Variants in ECSIT observed in about 807,000 individuals in gnomAD.
The protein encoded by ECSIT is ECSIT signaling integrator.
ECSIT carries 29 observed loss-of-function variants against 36.8 expected under a neutral mutation model. The observed-to-expected ratio is 0.79, with a 90% confidence interval of 0.59 to 1.08. ECSIT has a LOEUF of 1.08. Ranked by LOEUF, ECSIT falls within the 50% of genes least tolerant of loss-of-function variation. ECSIT has a pLI of 0.00. For synonymous variants in ECSIT, 231 were observed against 234.8 expected (o/e 0.98, Z 0.15); for missense variants, 542 against 581.0 (o/e 0.93, Z 0.69).
At chr19:11,507,434 A>G (rs1245552882) in intron 7 of ECSIT, 23 bp downstream of exon 7, 3 of 1,598,414 alleles carry the variant, frequency 1.9e-6, no homozygotes, top group South Asian at 1.1e-5. Flanking sequence ...CATGTGAGCC[A>G]CCGCACCTGG....
In ECSIT at chr19:11,520,210, C is replaced by A. The variant is rs547998138; in HGVS notation, c.-23-1017G>T. Among the ~76,000 whole-genome samples, 4 of 152,104 alleles carry A rather than the reference C, an allele frequency of 2.6e-5. No individual in the cohort carries two copies. The South Asian group carries it at 8.3e-4, about 32-fold the overall frequency. Reference sequence around the variant, plus strand: ...TTTCTGAGATGCAGTCTCGCTCTGTCACCCAGGCTGAAGTGCAATAGTGCC... The same window carrying A: ...TTTCTGAGATGCAGTCTCGCTCTGTAACCCAGGCTGAAGTGCAATAGTGCC... On this transcript the variant is annotated intron_variant, in intron 1 of 7. Transcript: ENST00000270517.
intron 2 of ECSIT, among the ~76,000 whole-genome samples, chr19:11,515,818 G>A (rs1971987151): frequency 6.6e-6 from 1 of 152,148 alleles, no homozygotes; most frequent in Non-Finnish European, 1.5e-5. Context: ...ATTTTTAGTA[G>A]AGACAGGGTT....
rs377543459 is a variant in ECSIT, at chr19:11,519,193, C to T, written c.-23G>A. 1,117 of 1,540,852 alleles carry T rather than the reference C, an allele frequency of 7.2e-4. No homozygotes were observed. The highest frequency in any genetic ancestry group is 7.8e-4 in the Non-Finnish European group (887 of 1,140,508). ...CATGCCTCTGCTTGTCAGACAATCA[C>T]CTGGCCCAAAAGAAGATTCAGCATT... is the stretch of plus-strand genomic sequence containing the variant. On this transcript the variant is annotated splice_region_variant and 5_prime_UTR_variant, in exon 2 of 8. It adds an upstream start codon to the 5' untranslated region. Coordinates refer to ENST00000270517, the MANE Select transcript of ECSIT (RefSeq NM_016581.5). The surrounding 1 kb of genome is among the most constrained non-coding windows in gnomAD (Gnocchi z 4.4).
In ECSIT at chr19:11,514,236, G is replaced by GT; in HGVS notation, c.97-16_97-15insA. On this transcript the variant is annotated splice_polypyrimidine_tract_variant and intron_variant, in intron 2 of 7. Transcript: ENST00000270517. ...CGGCGAGGGACCTGGGGAGGGAGGA[G>GT]AACTGCTGGAATCTGGCACCTCTCA... 1 of 1,587,146 alleles carries GT rather than the reference G, an allele frequency of 6.3e-7. No homozygotes were observed. Among genetic ancestry groups the GT allele is most frequent in the Non-Finnish European group, 8.6e-7 (1 of 1,168,506 alleles).
At chr19:11,518,030 C>T (rs893434749) in intron 2 of ECSIT, among the ~76,000 whole-genome samples, 5 of 151,840 alleles carry the variant, frequency 3.3e-5, no homozygotes, top group African/African-American at 7.3e-5. Flanking sequence ...CAGTGGCTCA[C>T]ACTTGTAATC....
At chr19:11,514,693 TA>T (rs1971953744) in intron 2 of ECSIT, among the ~76,000 whole-genome samples, 1 of 152,066 alleles carries the variant, frequency 6.6e-6, no homozygotes, top group African/African-American at 2.4e-5. Context: ...GGCTAATTTT[TA>T]AATTTTCAGC....
At chr19:11,515,463 T>G (rs1320150915) in intron 2 of ECSIT, among the ~76,000 whole-genome samples, 1 of 151,830 alleles carries the variant, frequency 6.6e-6, no homozygotes, top group Non-Finnish European at 1.5e-5. Context: ...TTCTTTCTTT[T>G]TCTTTTTTTC....
intron 2 of ECSIT, among the ~76,000 whole-genome samples, chr19:11,515,581 C>A (rs536322513): frequency 1.0e-4 from 15 of 150,160 alleles, no homozygotes; most frequent in Non-Finnish European, 1.9e-4. Context: ...CTCAGCCTCC[C>A]AAGTAGCTAG....
intron 4 of ECSIT, among the ~76,000 whole-genome samples, chr19:11,509,245 G>A (rs931535626): frequency 6.6e-6 from 1 of 151,266 alleles, no homozygotes; most frequent in African/African-American, 2.4e-5. Context: ...GCTAATGTCT[G>A]TATTTTTAGT....
intron 2 of ECSIT, among the ~76,000 whole-genome samples, chr19:11,515,338 C>T (rs187386813): frequency 1.6e-4 from 25 of 151,814 alleles, no homozygotes; most frequent in Non-Finnish European, 2.2e-4. Flanking sequence ...CTCCTGACCT[C>T]GTGATCCGCC....
At chr19:11,522,435 C>T in intron 1 of ECSIT, 1 of 1,453,870 alleles carries the variant, frequency 6.9e-7, no homozygotes. Flanking sequence ...CGCTGCCCCA[C>T]CAGGTCCTGC....
At chr19:11,510,388 G>A (rs188046018) in intron 4 of ECSIT, among the ~76,000 whole-genome samples, 1 of 151,814 alleles carries the variant, frequency 6.6e-6, no homozygotes, top group Non-Finnish European at 1.5e-5. Flanking sequence ...ATGTTGCCCA[G>A]GCTGGTCTCG....
chr19:11,513,877 G>A lies in ECSIT; in HGVS notation c.441C>T (p.Ile147=). The A allele has an allele frequency of 1.2e-6, 2 of 1,614,168 alleles. No homozygotes were observed. The highest frequency in any genetic ancestry group is 1.7e-6 in the Non-Finnish European group (2 of 1,180,036). ...PKEVFRPRNI[I]QRIFVHYPRQ... The stretch of plus-strand genomic sequence containing the variant: ...GAGGGTAGTGGACGAAGATGCGCTG[G>A]ATGATGTTGCGAGGCCGGAAGACCT... The change falls in exon 3 of 8, where the codon ATC becomes ATT. Residue 147 remains isoleucine (I), a synonymous_variant. Transcript: ENST00000270517.
chr19:11,519,693 C>T lies in ECSIT; in HGVS notation c.-23-500G>A, dbSNP rs977909244. ...ACAAGAATCCCTGTACCTGGCCAGG[C>T]GCGGTGGCTCACGCCTGTAATCACA... On this transcript the variant is annotated intron_variant, in intron 1 of 7. Transcript: ENST00000270517. The surrounding 1 kb of genome is among the most constrained non-coding windows in gnomAD (Gnocchi z 4.4). Among the ~76,000 whole-genome samples the T allele has an allele frequency of 9.9e-5, 15 of 152,014 alleles. No homozygotes were observed. The highest frequency in any genetic ancestry group is 2.1e-4 in the South Asian group (1 of 4,820).
At chr19:11,518,821 C>A (rs1972047271) in intron 2 of ECSIT, among the ~76,000 whole-genome samples, 1 of 152,060 alleles carries the variant, frequency 6.6e-6, no homozygotes, top group Non-Finnish European at 1.5e-5. Flanking sequence ...ATTGCTTGAA[C>A]CTGGGAGGTC....
chr19:11,506,037 C>A lies in ECSIT; in HGVS notation c.*147G>T. The A allele has an allele frequency of 4.4e-6, 6 of 1,363,388 alleles. No homozygotes were observed. The highest frequency in any genetic ancestry group is 5.9e-6 in the Non-Finnish European group (6 of 1,009,360). The allele number at this position is 1,363,388 out of a possible 1,614,324, so 84.5% of individuals were successfully genotyped here. On this transcript the variant is annotated 3_prime_UTR_variant, in exon 8 of 8. Coordinates refer to ENST00000270517, the MANE Select transcript of ECSIT (RefSeq NM_016581.5). ...CTGCCCATCGCTGGCAGCCCGAGATCCTGGGGAGGGGATGCCATACTGCTA... is the reference window on the plus strand; with the variant it reads ...CTGCCCATCGCTGGCAGCCCGAGATACTGGGGAGGGGATGCCATACTGCTA...
At chr19:11,522,086 C>T in intron 1 of ECSIT, 1 of 352,354 alleles carries the variant, frequency 2.8e-6, no homozygotes, top group Non-Finnish European at 5.5e-6. Flanking sequence ...CATGTCGTTG[C>T]CAAGTCCCAC....
chr19:11,507,681 T>A (rs1971780048), intron 6 of ECSIT, 21 bp downstream of exon 6: 1 of 1,607,024 alleles, frequency 6.2e-7, no homozygotes, highest in South Asian at 1.1e-5. Context: ...CCCCAACACA[T>A]GCTTTGCTTT....
chr19:11,509,150 G>A (rs72992996), intron 4 of ECSIT, among the ~76,000 whole-genome samples: 35,515 of 147,094 alleles, frequency 0.24, 4,902 homozygotes, highest in Middle Eastern at 0.41. Flanking sequence ...TCAGCTCACC[G>A]CAACCTCCAC....
Sources: allele counts gnomAD v4.1 joint callset (sites outside exome capture counted in the v4.1 genomes callset), GRCh38; gene constraint gnomAD v4.1.1; non-coding constraint Gnocchi (gnomAD v3.1); transcripts MANE v1.5; gene names NCBI Gene and HGNC (gene_info 2026-07-23, HGNC 2026-07-21).